ZC3H11A: variants seen among roughly 807,000 people sequenced by gnomAD.
The protein encoded by ZC3H11A is zinc finger CCCH-type containing 11A, also known as zinc finger CCCH domain-containing protein 11A.
A neutral mutation model predicts 90.8 loss-of-function variants in ZC3H11A; 22 were observed. The ratio of observed to expected loss-of-function variants is 0.24; its 90% confidence interval spans 0.17 to 0.35. ZC3H11A has a LOEUF of 0.35. ZC3H11A is among the 10% of genes least tolerant of loss of function. ZC3H11A has a pLI of 1.00. For synonymous variants in ZC3H11A, 294 were observed against 339.8 expected (o/e 0.87, Z 1.48); for missense variants, 701 against 964.9 (o/e 0.73, Z 3.62).
intron 2 of ZC3H11A, among the ~76,000 whole-genome samples, chr1:203,810,101 G>C (rs1213071308): frequency 6.6e-6 from 1 of 151,730 alleles, no homozygotes; most frequent in East Asian, 1.9e-4. Flanking sequence ...AAAGTCATTG[G>C]AGCATCATTT....
At chr1:203,803,725 C>G (rs940932296) in intron 2 of ZC3H11A, among the ~76,000 whole-genome samples, 1 of 152,122 alleles carries the variant, frequency 6.6e-6, no homozygotes, top group Non-Finnish European at 1.5e-5. Flanking sequence ...ATTGCCGAAG[C>G]CTCCTGAGTA....
At chr1:203,849,644 G>C (rs1688788486) in intron 14 of ZC3H11A, 67 bp from the exon 15 acceptor site, 1 of 1,448,142 alleles carries the variant, frequency 6.9e-7, no homozygotes, top group Non-Finnish European at 9.6e-7. Context: ...ATGTTAGCCT[G>C]GTACTTACAT....
chr1:203,828,872 C>T (rs979850204), intron 5 of ZC3H11A, among the ~76,000 whole-genome samples: 2 of 152,192 alleles, frequency 1.3e-5, no homozygotes, highest in Admixed American at 6.5e-5. Flanking sequence ...AAATTATTAA[C>T]TGGCTCTTTA....
chr1:203,828,457 A>G (rs1204894628), intron 5 of ZC3H11A, 35 bp downstream of exon 5: 2 of 1,570,424 alleles, frequency 1.3e-6, no homozygotes, highest in African/African-American at 1.4e-5. Flanking sequence ...AGAATATCAA[A>G]TGAACACCTA....
At chr1:203,803,721 G>A (rs570519274) in intron 2 of ZC3H11A, among the ~76,000 whole-genome samples, 92 of 152,010 alleles carry the variant, frequency 6.1e-4, no homozygotes, top group African/African-American at 2.2e-3. Flanking sequence ...TCCTATTGCC[G>A]AAGCCTCCTG....
intron 3 of ZC3H11A, among the ~76,000 whole-genome samples, chr1:203,818,068 G>A (rs1392162065): frequency 6.6e-6 from 1 of 152,070 alleles, no homozygotes; most frequent in Non-Finnish European, 1.5e-5. Flanking sequence ...TAAATGATGA[G>A]TTTTGAGCAA....
rs776591855 is a variant in ZC3H11A at position 203,847,692 on chromosome 1, CAA to C, written c.1546+6_1546+7del. 146 of 1,610,376 alleles carry C rather than the reference CAA, an allele frequency of 9.1e-5. No homozygotes were observed. The highest frequency in any genetic ancestry group is 2.5e-4 in the East Asian group (11 of 44,880). ...TGCGAATCACCAAAAGAACAGGTAA[CAA>C]GAGAACTTGGTCTCTAGTACCACGT... On this transcript the variant is annotated splice_donor_region_variant and intron_variant, in intron 13 of 17. Coordinates refer to ENST00000367210, the MANE Select transcript of ZC3H11A (RefSeq NM_001376342.1).
At chr1:203,820,886 AT>A (rs1487569193) in intron 4 of ZC3H11A, among the ~76,000 whole-genome samples, 1 of 152,140 alleles carries the variant, frequency 6.6e-6, no homozygotes, top group Non-Finnish European at 1.5e-5. Flanking sequence ...AGATTGCTTC[AT>A]TATAAAGGCT....
chr1:203,816,915 C>A lies in ZC3H11A; in HGVS notation c.-145-11C>A. 1.9e-6 allele frequency: 1 copy of A among 531,498 alleles called. No individual in the cohort carries two copies. Among genetic ancestry groups the A allele is most frequent in the South Asian group, 3.3e-5 (1 of 29,926 alleles). 32.9% of individuals were successfully genotyped at this position (531,498 alleles called of 1,614,324 possible). On this transcript the variant is annotated splice_polypyrimidine_tract_variant and intron_variant, in intron 2 of 17. Coordinates refer to ENST00000367210, the MANE Select transcript of ZC3H11A (RefSeq NM_001376342.1). ...CCTGAAATATTTTAATTCATTGTCT[C>A]CTCATTTTAGGATTACAGTTTAAAG...
At chr1:203,806,387 T>C (rs11240542) in intron 2 of ZC3H11A, 32,992 of 183,194 alleles carry the variant, frequency 0.18, 3,645 homozygotes, top group East Asian at 0.44. Flanking sequence ...CTGCAGCCTC[T>C]GCCTTCCGGG....
At chr1:203,814,429 C>T (rs754363530) in intron 2 of ZC3H11A, among the ~76,000 whole-genome samples, 36 of 152,110 alleles carry the variant, frequency 2.4e-4, no homozygotes, top group South Asian at 4.2e-4. Flanking sequence ...GAGACTGAGG[C>T]GGGAGAATTG....
chr1:203,803,522 A>G (rs986413168), intron 2 of ZC3H11A, among the ~76,000 whole-genome samples: 4 of 152,164 alleles, frequency 2.6e-5, no homozygotes, highest in Non-Finnish European at 4.4e-5. Context: ...TTGATAATAT[A>G]TGTACATTGT....
chr1:203,850,949 G>C, intron 16 of ZC3H11A, 108 bp from the exon 17 acceptor site: 1 of 1,355,300 alleles, frequency 7.4e-7, no homozygotes, highest in Non-Finnish European at 1.0e-6. Flanking sequence ...TAGATTCACA[G>C]GCTTAAAGAA....
At chr1:203,845,901 GA>G (rs1687758960) in intron 12 of ZC3H11A, among the ~76,000 whole-genome samples, 3 of 152,074 alleles carry the variant, frequency 2.0e-5, no homozygotes, top group African/African-American at 7.2e-5. Context: ...GGTAGCAAGA[GA>G]AATGAGAACA....
intron 9 of ZC3H11A, among the ~76,000 whole-genome samples, chr1:203,832,184 A>C (rs901948395): frequency 4.0e-5 from 6 of 151,820 alleles, no homozygotes; most frequent in South Asian, 2.1e-4. Context: ...TCGGCCTCCC[A>C]AGTAGTTGGG....
chr1:203,811,143 CAA>C (rs535589700), intron 2 of ZC3H11A, among the ~76,000 whole-genome samples: 41 of 73,604 alleles, frequency 5.6e-4, no homozygotes, highest in African/African-American at 1.1e-3. Context: ...AACTCTGTCA[CAA>C]AAAAAAAAAA....
At chr1:203,843,958 A>G (rs1352220046) in intron 12 of ZC3H11A, among the ~76,000 whole-genome samples, 4 of 151,862 alleles carry the variant, frequency 2.6e-5, no homozygotes, top group Admixed American at 1.3e-4. Flanking sequence ...CCCAGGTTCA[A>G]GTGATTCTCC....
intron 8 of ZC3H11A, among the ~76,000 whole-genome samples, chr1:203,831,281 A>AT (rs1305212576): frequency 6.6e-6 from 1 of 152,128 alleles, no homozygotes; most frequent in Non-Finnish European, 1.5e-5. Flanking sequence ...GGCTTGCTTT[A>AT]TAGCAACCTT....
At chr1:203,838,556 CAT>C (rs1685089233) in intron 11 of ZC3H11A, among the ~76,000 whole-genome samples, 1 of 152,156 alleles carries the variant, frequency 6.6e-6, no homozygotes, top group African/African-American at 2.4e-5. Flanking sequence ...ATGGCTGAAA[CAT>C]AGAAATGGGC....
Sources: gnomAD v4.1 joint callset for allele counts (sites outside exome capture counted in the v4.1 genomes callset) on GRCh38, gnomAD v4.1.1 for gene constraint, MANE v1.5 for transcripts, NCBI Gene and HGNC (gene_info 2026-07-23, HGNC 2026-07-21) for gene names.